Variants in PPP6R2 observed in about 807,000 individuals in gnomAD.
PPP6R2 encodes the protein protein phosphatase 6 regulatory subunit 2.
In PPP6R2, 62 loss-of-function variants were observed where a neutral mutation model predicts 100.2. That is an observed-to-expected ratio of 0.62 (90% CI 0.50 to 0.76). The LOEUF (loss-of-function observed/expected upper bound fraction) is 0.76. Ranked by LOEUF, PPP6R2 falls within the 30% of genes least tolerant of loss-of-function variation. PPP6R2 has a pLI of 0.00. For missense variants in PPP6R2, 1,142 were observed against 1,276.3 expected, an observed-to-expected ratio of 0.89 and a Z score of 1.60; for synonymous variants, 525 against 514.7, an observed-to-expected ratio of 1.02 and a Z score of -0.27.
At chr22:50,385,502 ATTAAGTTT>A (rs1344977299) in intron 2 of PPP6R2, among the ~76,000 whole-genome samples, 1 of 132,720 alleles carries the variant, frequency 7.5e-6, no homozygotes, top group African/African-American at 2.8e-5. Flanking sequence ...CCAGCCAGGG[ATTAAGTTT>A]TTTTTTTTTT....
chr22:50,341,650 G>A (rs2042399520), upstream of PPP6R2, among the ~76,000 whole-genome samples: 3 of 152,194 alleles, frequency 2.0e-5, no homozygotes, highest in Admixed American at 2.0e-4. Flanking sequence ...CAGAATGTTG[G>A]TAGTGGAGCT....
At chr22:50,362,721 C>G (rs1190799098) in intron 1 of PPP6R2, among the ~76,000 whole-genome samples, 1 of 152,124 alleles carries the variant, frequency 6.6e-6, no homozygotes, top group Non-Finnish European at 1.5e-5. Flanking sequence ...GACTGACACC[C>G]TCATACAAAG....
intron 1 of PPP6R2, among the ~76,000 whole-genome samples, chr22:50,356,327 G>A (rs1174025040): frequency 6.9e-6 from 1 of 145,142 alleles, no homozygotes; most frequent in Admixed American, 6.9e-5. Context: ...TTTTTTGAGA[G>A]GGTGTCACTC....
intron 17 of PPP6R2, 81 bp downstream of exon 17, chr22:50,437,981 G>A: frequency 6.5e-7 from 1 of 1,550,120 alleles, no homozygotes; most frequent in South Asian, 1.1e-5. Context: ...GTCTGTCATG[G>A]GCCTGTGCGG....
At chr22:50,332,525 T>C in the PPP6R2 span, among the ~76,000 whole-genome samples, 1 of 151,452 alleles carries the variant, frequency 6.6e-6, no homozygotes, top group East Asian at 2.0e-4. Flanking sequence ...CCACTGCGCC[T>C]AGCCTCTTCT....
In PPP6R2 at chr22:50,431,112, G is replaced by A; in HGVS notation, c.1126-61G>A. 7.2e-7 allele frequency: 1 copy of A among 1,380,130 alleles called. No individual in the cohort carries two copies. Among genetic ancestry groups the A allele is most frequent in the Non-Finnish European group, 1.0e-6 (1 of 981,096 alleles). 85.5% of individuals were successfully genotyped at this position (1,380,130 alleles called of 1,614,324 possible). On this transcript the variant is annotated intron_variant, in intron 10 of 23. Coordinates refer to ENST00000612753, the MANE Select transcript of PPP6R2 (RefSeq NM_001242898.2). The surrounding 1 kb of genome is among the most constrained non-coding windows in gnomAD (Gnocchi z 4.8). Reference sequence around the variant, plus strand: ...TTTAGGAAGGGTTTCCCTCAGCTTTGTGGTGTAGCCGGCAGGAGAAAACCG... The same window carrying A: ...TTTAGGAAGGGTTTCCCTCAGCTTTATGGTGTAGCCGGCAGGAGAAAACCG...
intron 1 of PPP6R2, among the ~76,000 whole-genome samples, chr22:50,350,969 A>G (rs548478430): frequency 8.5e-4 from 128 of 150,134 alleles, no homozygotes; most frequent in Non-Finnish European, 1.5e-3. Context: ...TGCATGGTCA[A>G]TGAGCAGTAA....
Position 50,423,990 on chromosome 22 carries a change from G to T in PPP6R2, c.1125+376G>T, listed in dbSNP as rs767530891. Among the ~76,000 whole-genome samples the T allele has an allele frequency of 6.6e-6, 1 of 152,232 alleles. No individual in the cohort carries two copies. Among genetic ancestry groups the T allele is most frequent in the Admixed American group, 6.5e-5 (1 of 15,288 alleles). On this transcript the variant is annotated intron_variant, in intron 10 of 23. Coordinates refer to ENST00000612753, the MANE Select transcript of PPP6R2 (RefSeq NM_001242898.2). This position sits in a 1 kb window ranked among gnomAD's most constrained non-coding sequence, Gnocchi z 4.8. ...AATGGCTAAAAGAGAAGCTCCTGTC[G>T]TCCACAGTAGAAGGCCAACCTGGCA...
At chr22:50,421,851 G>A (rs1264565624) in intron 8 of PPP6R2, among the ~76,000 whole-genome samples, 2 of 152,188 alleles carry the variant, frequency 1.3e-5, no homozygotes, top group Admixed American at 6.5e-5. Flanking sequence ...CTGGGTGACA[G>A]AGCGAGACTC....
Position 50,438,725 on chromosome 22 carries a change from G to A in PPP6R2, c.2091G>A (p.Gly697=), listed in dbSNP as rs2064939546. The A allele has an allele frequency of 3.7e-6, 6 of 1,610,674 alleles. No individual in the cohort carries two copies. In the South Asian group the frequency reaches 5.5e-5, roughly 15 times the overall value. The change falls in exon 19 of 24, where the codon GGG becomes GGA. Residue 697 remains glycine, a synonymous_variant. Transcript: ENST00000612753. The part of the protein sequence containing the change: ...APGAGAPPAP[G]KKEAPPVEGD... ...GGGCAGGTGCCCCACCGGCCCCCGG[G>A]AAGAAGGAAGCGCCCCCTGTGGAGG...
chr22:50,340,477 C>T (rs559118556), upstream of PPP6R2, among the ~76,000 whole-genome samples: 1,261 of 58,548 alleles, frequency 0.022, 16 homozygotes, highest in Non-Finnish European at 0.033. Flanking sequence ...GTGTGTGTCT[C>T]GGGTGTGTGT....
At chr22:50,348,105 A>C (rs2044184436) in intron 1 of PPP6R2, among the ~76,000 whole-genome samples, 1 of 152,116 alleles carries the variant, frequency 6.6e-6, no homozygotes, top group Non-Finnish European at 1.5e-5. Flanking sequence ...CCAGGAACCT[A>C]GATAAGACTG....
At chr22:50,397,443 T>G (rs957385400) in intron 3 of PPP6R2, among the ~76,000 whole-genome samples, 2 of 152,066 alleles carry the variant, frequency 1.3e-5, no homozygotes, top group Non-Finnish European at 2.9e-5. Context: ...AAAGAAGAAA[T>G]GTATGTGTGT....
chr22:50,375,862 A>C (rs1247495438), intron 2 of PPP6R2, among the ~76,000 whole-genome samples: 1 of 36,822 alleles, frequency 2.7e-5, no homozygotes, highest in Non-Finnish European at 4.3e-5. Flanking sequence ...TTTTTTTGAG[A>C]TGGAGTCTTG....
In PPP6R2 at chr22:50,387,612, C is replaced by T. The variant is rs531084159; in HGVS notation, c.-16-6281C>T. Among the ~76,000 whole-genome samples the T allele has an allele frequency of 5.9e-5, 9 of 152,158 alleles. No homozygotes were observed. The South Asian group carries it at 1.7e-3, about 28-fold the overall frequency. ...TGGTATGTTGGTAAATGTTTAACAACGGGCTTTCTGGGGAGGAAAAAACCT... is the reference window on the plus strand; with the variant it reads ...TGGTATGTTGGTAAATGTTTAACAATGGGCTTTCTGGGGAGGAAAAAACCT... On this transcript the variant is annotated intron_variant, in intron 2 of 23. Transcript: ENST00000612753.
In PPP6R2 at chr22:50,423,970, C is replaced by T. The variant is rs938537076; in HGVS notation, c.1125+356C>T. Among the ~76,000 whole-genome samples the T allele has an allele frequency of 1.3e-5, 2 of 152,228 alleles. No individual in the cohort carries two copies. Among genetic ancestry groups the T allele is most frequent in the Admixed American group, 6.5e-5 (1 of 15,282 alleles). ...ACGGTGGTTATTAGGTATAAAATGG[C>T]TAAAAGAGAAGCTCCTGTCGTCCAC... On this transcript the variant is annotated intron_variant, in intron 10 of 23. Transcript: ENST00000612753. The surrounding 1 kb of genome is among the most constrained non-coding windows in gnomAD (Gnocchi z 4.8).
Position 50,417,744 on chromosome 22 carries a change from G to A in PPP6R2, c.619-1123G>A, listed in dbSNP as rs575587365. On this transcript the variant is annotated intron_variant, in intron 6 of 23. Coordinates refer to ENST00000612753, the MANE Select transcript of PPP6R2 (RefSeq NM_001242898.2). The stretch of plus-strand genomic sequence containing the variant: ...AGGAAGCAAGGAGGCCGCCCTGCCT[G>A]AGAACTGGAGCCCACCCATGCATGT... Among the ~76,000 whole-genome samples the A allele has an allele frequency of 4.6e-5, 7 of 152,354 alleles. No homozygotes were observed. The East Asian group carries it at 1.3e-3, about 29-fold the overall frequency.
intron 9 of PPP6R2, among the ~76,000 whole-genome samples, chr22:50,422,735 G>C (rs536198591): frequency 6.6e-6 from 1 of 152,156 alleles, no homozygotes; most frequent in African/African-American, 2.4e-5. Context: ...CATGTTGAGG[G>C]GGGTGAGGCA....
chr22:50,430,544 A>G (rs1454432027), intron 10 of PPP6R2, among the ~76,000 whole-genome samples: 1 of 152,368 alleles, frequency 6.6e-6, no homozygotes, highest in East Asian at 1.9e-4. Context: ...CAGACTGGAA[A>G]GAAAGGCTGC....
Sources: allele counts gnomAD v4.1 joint callset (sites outside exome capture counted in the v4.1 genomes callset), GRCh38; gene constraint gnomAD v4.1.1; non-coding constraint Gnocchi (gnomAD v3.1); transcripts MANE v1.5; gene names NCBI Gene and HGNC (gene_info 2026-07-23, HGNC 2026-07-21).